The following CADM2 variants were observed in gnomAD, a reference collection of about 807,000 sequenced individuals.
CADM2 encodes immunoglobulin superfamily member 4D.
Under a neutral mutation model 49.8 loss-of-function variants are expected in CADM2, and 12 were observed. The observed-to-expected ratio is 0.24, with a 90% CI of 0.15 to 0.39. CADM2 has a LOEUF of 0.39. CADM2 is among the 10% of genes least tolerant of loss of function. The pLI is 1.00. For missense variants in CADM2, 378 were observed against 492.3 expected (o/e 0.77, Z 2.20); for synonymous variants, 214 against 175.4 (o/e 1.22, Z -1.74).
At chr3:85,574,522 A>T (rs1436015166) in intron 1 of CADM2, among the ~76,000 whole-genome samples, 1 of 152,194 alleles carries the variant, frequency 6.6e-6, no homozygotes, top group Admixed American at 6.5e-5. Context: ...TCTCTAGGGC[A>T]AAAAGTGTTC....
intron 3 of CADM2, among the ~76,000 whole-genome samples, chr3:85,851,255 A>G (rs937274544): frequency 6.7e-4 from 102 of 152,154 alleles, no homozygotes; most frequent in African/African-American, 2.3e-3. Context: ...ACATTTTACA[A>G]TTGTTTCTCA....
At chr3:85,873,661 T>G (rs1344846698) in intron 3 of CADM2, among the ~76,000 whole-genome samples, 2 of 151,792 alleles carry the variant, frequency 1.3e-5, no homozygotes, top group African/African-American at 4.8e-5. Context: ...GTGAGTGAAA[T>G]TCATCTCAAA....
chr3:85,648,801 G>T (rs555465052), intron 1 of CADM2, among the ~76,000 whole-genome samples: 1 of 151,998 alleles, frequency 6.6e-6, no homozygotes, highest in African/African-American at 2.4e-5. Flanking sequence ...TTTGAATTTA[G>T]CTTTTTTGAA....
At chr3:85,085,618 T>C (rs559434794) in intron 1 of CADM2, among the ~76,000 whole-genome samples, 1 of 152,254 alleles carries the variant, frequency 6.6e-6, no homozygotes, top group East Asian at 1.9e-4. Context: ...TGCATATCAC[T>C]TCTTAGTTAG....
chr3:85,144,249 A>G (rs966707261), intron 1 of CADM2, among the ~76,000 whole-genome samples: 21 of 141,786 alleles, frequency 1.5e-4, no homozygotes, highest in South Asian at 6.9e-4. Flanking sequence ...ACACACGCAC[A>G]CACACACACA....
At chr3:85,121,712 C>A (rs1488639564) in intron 1 of CADM2, among the ~76,000 whole-genome samples, 1 of 152,114 alleles carries the variant, frequency 6.6e-6, no homozygotes, top group Non-Finnish European at 1.5e-5. Flanking sequence ...TACCTATCTT[C>A]ATTCATCAGT....
intron 8 of CADM2, among the ~76,000 whole-genome samples, chr3:85,965,385 G>C (rs1189302414): frequency 1.3e-5 from 2 of 150,422 alleles, no homozygotes; most frequent in Non-Finnish European, 3.0e-5. Context: ...TCAGCAAAGT[G>C]CCAGTTATAC....
intron 2 of CADM2, among the ~76,000 whole-genome samples, chr3:85,783,265 A>C (rs1400601436): frequency 6.6e-6 from 1 of 152,208 alleles, no homozygotes; most frequent in Non-Finnish European, 1.5e-5. Flanking sequence ...GATTTGGTTA[A>C]ATGAAGTAGC....
intron 1 of CADM2, among the ~76,000 whole-genome samples, chr3:85,603,740 A>T (rs888651707): frequency 6.6e-6 from 1 of 151,958 alleles, no homozygotes; most frequent in Non-Finnish European, 1.5e-5. Context: ...ATACTTAAAT[A>T]TATAATTTAA....
intron 8 of CADM2, among the ~76,000 whole-genome samples, chr3:85,970,270 C>T (rs770741093): frequency 7.9e-5 from 12 of 151,246 alleles, no homozygotes; most frequent in Non-Finnish European, 1.5e-4. Flanking sequence ...CATCTTTTTG[C>T]AAAGTTAAAT....
intron 1 of CADM2, among the ~76,000 whole-genome samples, chr3:85,062,627 T>C (rs2036373786): frequency 6.6e-6 from 1 of 151,844 alleles, no homozygotes; most frequent in African/African-American, 2.4e-5. Context: ...ATTCTATAAA[T>C]GACTTATCAA....
intron 1 of CADM2, among the ~76,000 whole-genome samples, chr3:85,130,011 T>A (rs1422901118): frequency 6.6e-6 from 1 of 152,160 alleles, no homozygotes; most frequent in East Asian, 1.9e-4. Context: ...AGGTGTGGAT[T>A]GAATTGGAAA....
At chr3:84,993,445 G>A (rs2033004360) in intron 1 of CADM2, among the ~76,000 whole-genome samples, 2 of 152,176 alleles carry the variant, frequency 1.3e-5, no homozygotes, top group South Asian at 4.1e-4. Context: ...CATACTGTGG[G>A]AGAGGAAGTG....
chr3:86,017,114 T>C (rs1323327451), intron 8 of CADM2, among the ~76,000 whole-genome samples: 1 of 150,702 alleles, frequency 6.6e-6, no homozygotes. Context: ...GGGTTCATAC[T>C]ACTCTGGACA....
intron 2 of CADM2, among the ~76,000 whole-genome samples, chr3:85,801,780 A>C (rs958376878): frequency 6.6e-6 from 1 of 152,184 alleles, no homozygotes; most frequent in Admixed American, 6.5e-5. Context: ...TAATATTACT[A>C]TTTGAATATA....
chr3:85,063,218 A>G (rs1329642033), intron 1 of CADM2, among the ~76,000 whole-genome samples: 2 of 152,022 alleles, frequency 1.3e-5, no homozygotes, highest in African/African-American at 4.8e-5. Flanking sequence ...AATACATATT[A>G]TATTTCTATC....
At chr3:85,799,608 C>A (rs889518642) in intron 2 of CADM2, among the ~76,000 whole-genome samples, 2 of 152,082 alleles carry the variant, frequency 1.3e-5, no homozygotes, top group Non-Finnish European at 2.9e-5. Context: ...GACTTGCATC[C>A]CCAGGATGAA....
chr3:85,335,980 G>T (rs1156242538), intron 1 of CADM2, among the ~76,000 whole-genome samples: 1 of 151,454 alleles, frequency 6.6e-6, no homozygotes, highest in African/African-American at 2.4e-5. Context: ...GAGTAAGGTC[G>T]ATATGCACTC....
intron 1 of CADM2, among the ~76,000 whole-genome samples, chr3:85,115,663 A>C (rs572105023): frequency 6.6e-6 from 1 of 152,274 alleles, no homozygotes; most frequent in East Asian, 1.9e-4. Context: ...ACAAGCCCAA[A>C]ATTTTATTAT....
Sources: allele counts gnomAD v4.1 joint callset (sites outside exome capture counted in the v4.1 genomes callset), GRCh38; gene constraint gnomAD v4.1.1; transcripts MANE v1.5; gene names NCBI Gene and HGNC (gene_info 2026-07-23, HGNC 2026-07-21).